Variants in RORB observed in about 807,000 individuals in gnomAD.
RORB encodes RAR related orphan receptor B, also known as nuclear receptor ROR-beta.
In RORB, 6 loss-of-function variants were observed where a neutral mutation model predicts 59.1. That is an observed-to-expected ratio of 0.10 (90% CI 0.06 to 0.20). RORB has a LOEUF of 0.20. RORB is among the 10% of genes least tolerant of loss of function. The probability of loss-of-function intolerance (pLI) is 1.00; values close to 1 mark genes in which losing one functional copy is unlikely to be tolerated. For missense variants in RORB, 320 were observed against 560.5 expected, an observed-to-expected ratio of 0.57 and a Z score of 4.33; for synonymous variants, 215 against 204.5, an observed-to-expected ratio of 1.05 and a Z score of -0.44.
chr9:74,677,245 G>A (rs553369293), intron 9 of RORB, among the ~76,000 whole-genome samples: 8 of 152,150 alleles, frequency 5.3e-5, no homozygotes, highest in Non-Finnish European at 8.8e-5. Context: ...TCAGGAAGAC[G>A]AGAAAGGGAG....
chr9:74,632,629 C>A (rs749068277), intron 2 of RORB, among the ~76,000 whole-genome samples: 3 of 152,092 alleles, frequency 2.0e-5, no homozygotes, highest in South Asian at 2.1e-4. Context: ...AGAAACGAGT[C>A]GTAATTAATG....
chr9:74,504,643 C>A (rs1452477821), intron 1 of RORB, among the ~76,000 whole-genome samples: 1 of 151,818 alleles, frequency 6.6e-6, no homozygotes, highest in Non-Finnish European at 1.5e-5. Flanking sequence ...ATCATGTGGT[C>A]CTGGCTAATT....
At chr9:74,644,092 A>C (rs1389630604) in intron 4 of RORB, among the ~76,000 whole-genome samples, 1 of 152,366 alleles carries the variant, frequency 6.6e-6, no homozygotes, top group East Asian at 1.9e-4. Context: ...CCTAAAGCCT[A>C]CAAGTGTTTT....
At chr9:74,661,034 C>A (rs148361440) in intron 5 of RORB, among the ~76,000 whole-genome samples, 1 of 152,296 alleles carries the variant, frequency 6.6e-6, no homozygotes, top group East Asian at 1.9e-4. Context: ...GTGCCTTCAT[C>A]AAATGATTTT....
At chr9:74,586,388 C>T (rs1044647547) in intron 1 of RORB, among the ~76,000 whole-genome samples, 2 of 151,932 alleles carry the variant, frequency 1.3e-5, no homozygotes, top group African/African-American at 4.8e-5. Flanking sequence ...GTCCCAACAA[C>T]TTGGGAGGCT....
intron 1 of RORB, among the ~76,000 whole-genome samples, chr9:74,563,184 CTTTTTTT>C (rs766404071): frequency 7.9e-6 from 1 of 127,120 alleles, no homozygotes; most frequent in Non-Finnish European, 1.7e-5. Context: ...TCTCTTCAGT[CTTTTTTT>C]TTTTTTTTTT....
intron 1 of RORB, among the ~76,000 whole-genome samples, chr9:74,618,157 G>A (rs200361008): frequency 3.3e-5 from 5 of 151,882 alleles, no homozygotes; most frequent in African/African-American, 7.2e-5. Context: ...ACACACACGC[G>A]CATGCTATAA....
intron 1 of RORB, among the ~76,000 whole-genome samples, chr9:74,613,245 C>A (rs1334295017): frequency 6.6e-6 from 1 of 152,158 alleles, no homozygotes; most frequent in East Asian, 1.9e-4. Flanking sequence ...ATGAGTGTTA[C>A]AATCTGATTT....
chr9:74,670,351 CAA>C (rs1402830196), intron 8 of RORB, among the ~76,000 whole-genome samples: 1 of 151,974 alleles, frequency 6.6e-6, no homozygotes, highest in East Asian at 1.9e-4. Context: ...ATATTTGTGG[CAA>C]GTCAGTAAAT....
At chr9:74,553,312 AT>A (rs2118171087) in intron 1 of RORB, among the ~76,000 whole-genome samples, 1 of 152,296 alleles carries the variant, frequency 6.6e-6, no homozygotes, top group Admixed American at 6.5e-5. Context: ...GGAACCAAAC[AT>A]TTCATCTACT....
chr9:74,517,335 T>C (rs981022963), intron 1 of RORB, among the ~76,000 whole-genome samples: 1 of 151,976 alleles, frequency 6.6e-6, no homozygotes, highest in Non-Finnish European at 1.5e-5. Context: ...CATCAGGAGA[T>C]CTAAATTGTG....
intron 1 of RORB, among the ~76,000 whole-genome samples, chr9:74,548,882 A>T (rs1181278069): frequency 6.6e-6 from 1 of 152,190 alleles, no homozygotes; most frequent in African/African-American, 2.4e-5. Context: ...ATGAACTTTC[A>T]TGGTGATCCG....
At chr9:74,545,166 A>C (rs534222380) in intron 1 of RORB, among the ~76,000 whole-genome samples, 2 of 150,528 alleles carry the variant, frequency 1.3e-5, no homozygotes, top group South Asian at 4.2e-4. Flanking sequence ...AGTGATAGCT[A>C]TCTAGTTAAC....
chr9:74,523,959 C>T (rs1469241056), intron 1 of RORB, among the ~76,000 whole-genome samples: 1 of 144,124 alleles, frequency 6.9e-6, no homozygotes, highest in Non-Finnish European at 1.5e-5. Context: ...AAATTTGCAA[C>T]ATGAAAATTA....
chr9:74,515,792 A>C (rs1826001305), intron 1 of RORB, among the ~76,000 whole-genome samples: 1 of 152,092 alleles, frequency 6.6e-6, no homozygotes, highest in Non-Finnish European at 1.5e-5. Context: ...AAGCTGGATG[A>C]GTTAAAAAGA....
intron 1 of RORB, among the ~76,000 whole-genome samples, chr9:74,506,035 A>G (rs1195927136): frequency 6.6e-6 from 1 of 151,866 alleles, no homozygotes; most frequent in African/African-American, 2.4e-5. Flanking sequence ...ATATCCATAT[A>G]CATTTGTTTT....
intron 1 of RORB, among the ~76,000 whole-genome samples, chr9:74,542,110 G>A (rs1190343053): frequency 6.6e-6 from 1 of 151,876 alleles, no homozygotes; most frequent in African/African-American, 2.4e-5. Flanking sequence ...AGACTTCAAA[G>A]AATTCACACA....
chr9:74,636,995 T>C (rs903662008), intron 3 of RORB, among the ~76,000 whole-genome samples: 2 of 152,276 alleles, frequency 1.3e-5, no homozygotes, highest in Non-Finnish European at 1.5e-5. Flanking sequence ...ATTGAATGAT[T>C]CAAAAGCCCT....
intron 1 of RORB, among the ~76,000 whole-genome samples, chr9:74,559,684 A>G (rs2118187321): frequency 6.6e-6 from 1 of 152,318 alleles, no homozygotes; most frequent in African/African-American, 2.4e-5. Context: ...GCTAGACAGG[A>G]TAATAATAGT....
Sources: allele counts gnomAD v4.1 joint callset (sites outside exome capture counted in the v4.1 genomes callset), GRCh38; gene constraint gnomAD v4.1.1; transcripts MANE v1.5; gene names NCBI Gene and HGNC (gene_info 2026-07-23, HGNC 2026-07-21).